The following ATG10 variants were observed in gnomAD, a reference collection of about 807,000 sequenced individuals.
The protein encoded by ATG10 is ubiquitin-like-conjugating enzyme ATG10.
ATG10 carries 30 observed loss-of-function variants against 32.1 expected under a neutral mutation model. The observed-to-expected ratio is 0.94, with a 90% confidence interval of 0.70 to 1.27. The LOEUF is 1.27. Among genes scored for constraint, ATG10 ranks in the 50% most tolerant of loss-of-function variants. The pLI is 0.00. For synonymous variants in ATG10, 87 were observed against 91.5 expected (o/e 0.95, Z 0.28); for missense variants, 233 against 262.3 (o/e 0.89, Z 0.77).
At chr5:82,072,341 C>G (rs1320765473) in intron 3 of ATG10, among the ~76,000 whole-genome samples, 2 of 152,098 alleles carry the variant, frequency 1.3e-5, no homozygotes, top group African/African-American at 2.4e-5. Flanking sequence ...CTACGGGTGA[C>G]AGCTCTGCCC....
At chr5:81,999,754 A>G (rs1480956261) in intron 2 of ATG10, among the ~76,000 whole-genome samples, 2 of 152,196 alleles carry the variant, frequency 1.3e-5, no homozygotes, top group Non-Finnish European at 2.9e-5. Flanking sequence ...ACACTACTAC[A>G]AACACCTCTG....
chr5:82,207,849 G>A (rs1489022137), intron 5 of ATG10, among the ~76,000 whole-genome samples: 1 of 152,110 alleles, frequency 6.6e-6, no homozygotes, highest in Non-Finnish European at 1.5e-5. Context: ...TGTGATTGAG[G>A]AGCTGGATTT....
intron 2 of ATG10, among the ~76,000 whole-genome samples, chr5:82,034,427 G>A (rs1267683053): frequency 7.2e-5 from 11 of 152,210 alleles, no homozygotes; most frequent in Admixed American, 7.2e-4. Context: ...AGCGCAGGCT[G>A]TCATCTTTTT....
intron 2 of ATG10, among the ~76,000 whole-genome samples, chr5:82,003,989 A>G (rs1761920139): frequency 1.3e-5 from 2 of 152,082 alleles, no homozygotes; most frequent in South Asian, 4.1e-4. Flanking sequence ...AAAATACAAA[A>G]AGTAGCTGGT....
At chr5:82,087,523 G>C (rs1236898931) in intron 3 of ATG10, among the ~76,000 whole-genome samples, 1 of 152,070 alleles carries the variant, frequency 6.6e-6, no homozygotes, top group African/African-American at 2.4e-5. Flanking sequence ...TTTTCTGACT[G>C]TGTATTTCTA....
At chr5:81,982,607 G>A (rs1054426628) in intron 1 of ATG10, among the ~76,000 whole-genome samples, 7 of 150,268 alleles carry the variant, frequency 4.7e-5, no homozygotes, top group South Asian at 2.1e-4. Context: ...GGTGTTTCTC[G>A]CAGAGGGGGA....
intron 3 of ATG10, among the ~76,000 whole-genome samples, chr5:82,083,216 C>A (rs1035543151): frequency 7.9e-5 from 12 of 152,170 alleles, no homozygotes; most frequent in African/African-American, 2.9e-4. Context: ...CCCACCCCTA[C>A]GGAGCCTCAC....
At chr5:81,994,905 T>TA (rs1458993939) in intron 2 of ATG10, among the ~76,000 whole-genome samples, 1 of 152,120 alleles carries the variant, frequency 6.6e-6, no homozygotes, top group Non-Finnish European at 1.5e-5. Flanking sequence ...GCCAAGGTGT[T>TA]AGAGTTGTTT....
In ATG10 at chr5:82,119,751, G is replaced by A. The variant is rs181287552; in HGVS notation, c.217-44648G>A. Reference sequence around the variant, plus strand: ...GCTGGGATTACAGGTGTGAGCCACCGTGCCTGGCCTGAATTACCACACATT... The same window carrying A: ...GCTGGGATTACAGGTGTGAGCCACCATGCCTGGCCTGAATTACCACACATT... On this transcript the variant is annotated intron_variant, in intron 3 of 7. Coordinates refer to ENST00000282185, the MANE Select transcript of ATG10 (RefSeq NM_031482.5). 4.6e-3 allele frequency among the ~76,000 whole-genome samples: 694 copies of A among 152,208 alleles called. 4 individuals are homozygous for A. The highest frequency in any genetic ancestry group is 0.013 in the African/African-American group (541 of 41,524).
In ATG10 at chr5:82,254,897, T is replaced by A. The variant is rs1460441008; in HGVS notation, c.*834T>A. ...CCAAAAGAGAGAGAGAGAGTGAGTG[T>A]GAGTGTGTGTGTGTGTGTGTGTGTA... On this transcript the variant is annotated 3_prime_UTR_variant, in exon 8 of 8. Coordinates refer to ENST00000282185, the MANE Select transcript of ATG10 (RefSeq NM_031482.5). The A allele has an allele frequency of 1.9e-5, 2 of 107,952 alleles. No individual in the cohort carries two copies. The highest frequency in any genetic ancestry group is 4.7e-4 in the East Asian group (2 of 4,284). 6.7% of individuals were successfully genotyped at this position (107,952 alleles called of 1,614,324 possible). A position where few individuals can be genotyped will look rare whatever the true frequency, so the allele number is the denominator to read the frequency against.
chr5:81,989,441 C>T (rs1451958945), intron 2 of ATG10, among the ~76,000 whole-genome samples: 2 of 152,056 alleles, frequency 1.3e-5, no homozygotes, highest in Non-Finnish European at 2.9e-5. Flanking sequence ...GAGGGAGGGT[C>T]GATGTGTTGT....
At chr5:82,207,148 T>G (rs939441982) in intron 5 of ATG10, among the ~76,000 whole-genome samples, 1 of 152,208 alleles carries the variant, frequency 6.6e-6, no homozygotes, top group African/African-American at 2.4e-5. Context: ...TATATGTATG[T>G]ATGCATTTCT....
chr5:82,088,354 T>A (rs1194829819), intron 3 of ATG10, among the ~76,000 whole-genome samples: 1 of 152,162 alleles, frequency 6.6e-6, no homozygotes, highest in Non-Finnish European at 1.5e-5. Context: ...GAGAGTTATT[T>A]TAAAGAAGAC....
At chr5:82,009,942 G>A (rs914649096) in intron 2 of ATG10, 59 of 1,611,588 alleles carry the variant, frequency 3.7e-5, no homozygotes, top group South Asian at 3.6e-4. Context: ...GTGAAAGCAG[G>A]AACCCTTATA....
intron 3 of ATG10, among the ~76,000 whole-genome samples, chr5:82,119,461 C>T (rs1360532320): frequency 7.3e-5 from 11 of 151,714 alleles, no homozygotes; most frequent in Admixed American, 7.2e-4. Flanking sequence ...GCTTTATTAC[C>T]ATGTTTTTTC....
chr5:82,036,037 A>C (rs1762909206), intron 2 of ATG10, among the ~76,000 whole-genome samples: 2 of 152,002 alleles, frequency 1.3e-5, no homozygotes, highest in African/African-American at 4.8e-5. Flanking sequence ...CACCTTTATA[A>C]TTTTAATTTT....
chr5:82,068,683 A>AAT (rs985995454), intron 3 of ATG10, among the ~76,000 whole-genome samples: 156 of 146,586 alleles, frequency 1.1e-3, no homozygotes, highest in East Asian at 1.8e-3. Context: ...TCTAAACTTA[A>AAT]ATATATATAT....
intron 2 of ATG10, among the ~76,000 whole-genome samples, chr5:82,054,495 A>T (rs1763526713): frequency 6.6e-6 from 1 of 152,166 alleles, no homozygotes; most frequent in Non-Finnish European, 1.5e-5. Flanking sequence ...AGTCCACGAG[A>T]GTCAATAAGC....
chr5:81,996,768 G>A (rs1761677833), intron 2 of ATG10, among the ~76,000 whole-genome samples: 1 of 152,152 alleles, frequency 6.6e-6, no homozygotes, highest in Non-Finnish European at 1.5e-5. Context: ...TTAAATCCTA[G>A]ATATGACTTG....
Sources: gnomAD v4.1 joint callset for allele counts (sites outside exome capture counted in the v4.1 genomes callset) on GRCh38, gnomAD v4.1.1 for gene constraint, MANE v1.5 for transcripts, NCBI Gene and HGNC (gene_info 2026-07-23, HGNC 2026-07-21) for gene names.